LTBP2: variants seen among roughly 807,000 people sequenced by gnomAD.
LTBP2 encodes the protein latent transforming growth factor beta binding protein 2.
LTBP2 carries 103 observed loss-of-function variants against 210.6 expected under a neutral mutation model. The ratio of observed to expected loss-of-function variants is 0.49; its 90% CI spans 0.42 to 0.58. LTBP2 has a LOEUF of 0.58. LTBP2 is among the 20% of genes least tolerant of loss of function. The probability of loss-of-function intolerance (pLI) is 0.00; values close to 1 mark genes in which losing one functional copy is unlikely to be tolerated. For missense variants in LTBP2, 2,313 were observed against 2,494.5 expected, an observed-to-expected ratio of 0.93 and a Z score of 1.55; for synonymous variants, 1,007 against 1,015.0, an observed-to-expected ratio of 0.99 and a Z score of 0.15.
chr14:74,589,518 C>T (rs1389006412), intron 2 of LTBP2, among the ~76,000 whole-genome samples: 1 of 152,232 alleles, frequency 6.6e-6, no homozygotes, highest in Non-Finnish European at 1.5e-5. Context: ...GGCACCTCTT[C>T]CTGGCAGGCT....
intron 3 of LTBP2, among the ~76,000 whole-genome samples, chr14:74,569,854 C>T (rs1555352160): frequency 3.3e-5 from 5 of 152,110 alleles, no homozygotes; most frequent in Non-Finnish European, 7.4e-5. Flanking sequence ...GTAGCTGGCC[C>T]AAGCTCACGT....
chr14:74,550,840 G>C (rs1027421025), intron 7 of LTBP2, among the ~76,000 whole-genome samples: 1 of 152,226 alleles, frequency 6.6e-6, no homozygotes, highest in Non-Finnish European at 1.5e-5. Context: ...GTCTTCTTCT[G>C]TGTGCCTGGT....
chr14:74,530,750 A>G (rs1376429877), intron 10 of LTBP2, among the ~76,000 whole-genome samples: 3 of 152,188 alleles, frequency 2.0e-5, no homozygotes, highest in Non-Finnish European at 4.4e-5. Flanking sequence ...CCTGAACTCA[A>G]GTGGTCCACC....
At chr14:74,532,097 C>T (rs531167428) in intron 10 of LTBP2, among the ~76,000 whole-genome samples, 15 of 152,184 alleles carry the variant, frequency 9.9e-5, no homozygotes, top group South Asian at 2.1e-4. Context: ...CACCACCTCC[C>T]GCCACCAAAG....
chr14:74,566,698 C>A (rs2087907234), intron 3 of LTBP2, among the ~76,000 whole-genome samples: 2 of 152,190 alleles, frequency 1.3e-5, no homozygotes, highest in African/African-American at 2.4e-5. Flanking sequence ...GATAGGGCAT[C>A]ATCAACATTC....
chr14:74,529,176 C>A (rs958149780), intron 10 of LTBP2, 54 bp from the exon 11 acceptor site: 19 of 1,546,074 alleles, frequency 1.2e-5, no homozygotes, highest in Admixed American at 2.0e-5. Flanking sequence ...GAGGGGAATG[C>A]GCAGCTGGGA....
chr14:74,606,982 A>G (rs2088536510), intron 1 of LTBP2, among the ~76,000 whole-genome samples: 1 of 152,080 alleles, frequency 6.6e-6, no homozygotes, highest in African/African-American at 2.4e-5. Context: ...TTGGGTATCT[A>G]GAGGTTTCTT....
chr14:74,597,215 C>A (rs991181645), intron 2 of LTBP2, among the ~76,000 whole-genome samples: 1 of 152,162 alleles, frequency 6.6e-6, no homozygotes, highest in African/African-American at 2.4e-5. Flanking sequence ...GCAGAGTGAG[C>A]CCCGGGCATT....
At chr14:74,583,002 G>A (rs2088157793) in intron 3 of LTBP2, among the ~76,000 whole-genome samples, 1 of 152,218 alleles carries the variant, frequency 6.6e-6, no homozygotes, top group South Asian at 2.1e-4. Flanking sequence ...GAAGAAGCCA[G>A]GACATGAGGC....
chr14:74,527,938 AG>A (rs1468773147), intron 12 of LTBP2, among the ~76,000 whole-genome samples: 1 of 152,226 alleles, frequency 6.6e-6, no homozygotes, highest in Non-Finnish European at 1.5e-5. Flanking sequence ...ATGACGTTCC[AG>A]GCCTCCTGCA....
intron 3 of LTBP2, among the ~76,000 whole-genome samples, chr14:74,561,065 T>A (rs920791853): frequency 3.3e-5 from 5 of 152,190 alleles, no homozygotes; most frequent in Non-Finnish European, 7.3e-5. Context: ...ATGCCTGTAA[T>A]CCTAGCACTT....
In LTBP2 at chr14:74,529,026, A is replaced by G; in HGVS notation, c.2084T>C (p.Ile695Thr). The change falls in exon 11 of 36, where the codon ATA (isoleucine) becomes ACA (threonine). Residue 695 changes from isoleucine (I) to threonine (T), a missense_variant. Transcript: ENST00000261978. ...TTTGCCCACGCGGCTGCAGCAGCAT[A>G]TCTGCTTGGTGATCCGCTGGGCCAA... The part of the protein sequence containing the change: ...LPLAQRITKQ[I>T]CCCSRVGKAW... 1.9e-6 allele frequency: 3 copies of G among 1,596,636 alleles called. No homozygotes were observed. Among genetic ancestry groups the G allele is most frequent in the Non-Finnish European group, 2.6e-6 (3 of 1,171,598 alleles).
In LTBP2 at chr14:74,586,462, C is replaced by T. The variant is rs2088206638; in HGVS notation, c.566-344G>A. 6.6e-6 allele frequency among the ~76,000 whole-genome samples: 1 copy of T among 152,208 alleles called. No individual in the cohort carries two copies. The highest frequency in any genetic ancestry group is 2.1e-4 in the South Asian group (1 of 4,830). On this transcript the variant is annotated intron_variant, in intron 2 of 35. Coordinates refer to ENST00000261978, the MANE Select transcript of LTBP2 (RefSeq NM_000428.3). The surrounding 1 kb of genome is among the most constrained non-coding windows in gnomAD (Gnocchi z 4.6). ...TCACTCCCACCAGACTGGAAGCCCCCTGAGGACAGACAGCGGCCCCGGAAC... is the reference window on the plus strand; with the variant it reads ...TCACTCCCACCAGACTGGAAGCCCCTTGAGGACAGACAGCGGCCCCGGAAC...
intron 26 of LTBP2, 145 bp from the exon 27 acceptor site, chr14:74,506,968 A>C (rs1381621429): frequency 3.9e-6 from 6 of 1,540,278 alleles, no homozygotes; most frequent in Non-Finnish European, 5.3e-6. Context: ...TAGCACCAAG[A>C]CCTGTGAAAA....
In LTBP2 at chr14:74,553,054, G is replaced by A. The variant is rs1232249574; in HGVS notation, c.1030C>T (p.Leu344Phe). 1.9e-6 allele frequency: 3 copies of A among 1,614,186 alleles called. No individual in the cohort carries two copies. Among genetic ancestry groups the A allele is most frequent in the Non-Finnish European group, 2.5e-6 (3 of 1,180,028 alleles). Residue 344 changes from leucine (L) to phenylalanine (F), a missense_variant, in exon 5 of 36, where the codon CTC becomes TTC. Physicochemically the swap from Leu to Phe is conservative, Grantham distance 22 (BLOSUM62 0). Around this residue, in one of 3 missense-constraint regions of LTBP2, gnomAD observed 1,867 missense variants for 1,976.9 expected, o/e 0.94. Coordinates refer to ENST00000261978, the MANE Select transcript of LTBP2 (RefSeq NM_000428.3). ...EHPSSPWGLN[L>F]TEKIKKIKIV... ...TTGATCTTCTTGATTTTCTCCGTGA[G>A]GTTCAGCCCTGCAGAGAGAGGGCTT...
chr14:74,527,566 C>A (rs2087290363), intron 12 of LTBP2, among the ~76,000 whole-genome samples, 200 bp from the exon 13 acceptor site: 1 of 152,230 alleles, frequency 6.6e-6, no homozygotes, highest in South Asian at 2.1e-4. Context: ...ATTCCAGAAC[C>A]CCAGGTCTGG....
chr14:74,533,065 C>T (rs2087373529), intron 9 of LTBP2, among the ~76,000 whole-genome samples: 1 of 152,214 alleles, frequency 6.6e-6, no homozygotes, highest in African/African-American at 2.4e-5. Flanking sequence ...TGGCTGGTCT[C>T]AAACTCTGGG....
intron 8 of LTBP2, among the ~76,000 whole-genome samples, chr14:74,544,222 A>C (rs2087550104): frequency 6.6e-6 from 1 of 152,216 alleles, no homozygotes; most frequent in Non-Finnish European, 1.5e-5. Context: ...CCCAGAGAAC[A>C]GGAGCCCCAC....
chr14:74,581,931 GAC>G (rs1393880895), intron 3 of LTBP2, among the ~76,000 whole-genome samples: 1 of 151,836 alleles, frequency 6.6e-6, no homozygotes, highest in African/African-American at 2.4e-5. Flanking sequence ...CAGCTCCCCA[GAC>G]ACACCCCAGC....
Sources: allele counts gnomAD v4.1 joint callset (sites outside exome capture counted in the v4.1 genomes callset), GRCh38; gene constraint gnomAD v4.1.1; regional missense constraint gnomAD v4.1.1; non-coding constraint Gnocchi (gnomAD v3.1); transcripts MANE v1.5; gene names NCBI Gene and HGNC (gene_info 2026-07-23, HGNC 2026-07-21).